The following SLC35F4 variants were observed in gnomAD, a reference collection of about 807,000 sequenced individuals.
SLC35F4 encodes solute carrier family 35 member F4, also known as chromosome 14 open reading frame 36.
In SLC35F4, 24 loss-of-function variants were observed where a neutral mutation model predicts 44.2. The observed-to-expected ratio is 0.54, with a 90% CI of 0.39 to 0.76. The LOEUF (loss-of-function observed/expected upper bound fraction) is 0.76, where lower values mean the gene tolerates loss of function less well. SLC35F4 is among the 30% of genes least tolerant of loss of function. SLC35F4 has a pLI of 0.00. For synonymous variants in SLC35F4, 238 were observed against 223.6 expected (o/e 1.06, Z -0.57); for missense variants, 562 against 586.1 (o/e 0.96, Z 0.42).
chr14:57,818,434 C>T (rs559250941), intron 1 of SLC35F4, among the ~76,000 whole-genome samples: 2 of 152,242 alleles, frequency 1.3e-5, no homozygotes, highest in East Asian at 3.9e-4. Context: ...CTCTTCATTC[C>T]AGTAGACTAC....
chr14:57,652,852 G>C (rs116596031), intron 1 of SLC35F4, among the ~76,000 whole-genome samples: 1 of 152,332 alleles, frequency 6.6e-6, no homozygotes, highest in East Asian at 1.9e-4. Context: ...GGAAGAGGGA[G>C]ATGATTTGTG....
chr14:57,972,337 A>G (rs111257863), downstream of SLC35F4, among the ~76,000 whole-genome samples: 35 of 152,306 alleles, frequency 2.3e-4, no homozygotes, highest in African/African-American at 8.4e-4. Flanking sequence ...AAGCAGAAGC[A>G]GGGAGCTCAG....
intron 1 of SLC35F4, among the ~76,000 whole-genome samples, chr14:57,619,649 ACTC>A (rs2072064996): frequency 6.6e-6 from 1 of 151,996 alleles, no homozygotes; most frequent in Non-Finnish European, 1.5e-5. Context: ...AAGGATCACA[ACTC>A]CTCACCAGCA....
rs562915612 is a variant in SLC35F4, at chr14:57,662,854, T to G, written c.104-68730A>C. On this transcript the variant is annotated intron_variant, in intron 1 of 7. Transcript: ENST00000556826. Reference sequence around the variant, plus strand: ...TCTCTGAACACCGAATGAACTGTACTTATTTGCTGGTTGGGATTGGCCATT... The same window carrying G: ...TCTCTGAACACCGAATGAACTGTACGTATTTGCTGGTTGGGATTGGCCATT... 7.9e-5 allele frequency among the ~76,000 whole-genome samples: 12 copies of G among 152,266 alleles called. No individual in the cohort carries two copies. The East Asian group carries it at 2.1e-3, about 27-fold the overall frequency.
chr14:57,890,882 T>G (rs915820559), intron 1 of SLC35F4, among the ~76,000 whole-genome samples: 5 of 152,184 alleles, frequency 3.3e-5, no homozygotes, highest in Admixed American at 2.6e-4. Context: ...GCAAACTCAT[T>G]TTTTTCTGCA....
At chr14:57,663,841 A>G (rs935190178) in intron 1 of SLC35F4, among the ~76,000 whole-genome samples, 9 of 152,190 alleles carry the variant, frequency 5.9e-5, no homozygotes, top group African/African-American at 2.2e-4. Context: ...CACCAGGCAA[A>G]GCCATAAGAA....
At chr14:57,979,282 A>T (rs1175588295) in intron 1 of SLC35F4, among the ~76,000 whole-genome samples, 1 of 152,230 alleles carries the variant, frequency 6.6e-6, no homozygotes, top group Non-Finnish European at 1.5e-5. Context: ...CAGATATTGT[A>T]GCTGGCTGGC....
chr14:57,730,791 GT>G (rs2140471143), intron 1 of SLC35F4, among the ~76,000 whole-genome samples: 1 of 3,614 alleles, frequency 2.8e-4, no homozygotes, highest in Admixed American at 3.6e-3. Context: ...TCATAAGTCT[GT>G]CAAGGAAGTC....
At chr14:57,966,542 T>C (rs1417867008) in intron 1 of SLC35F4, among the ~76,000 whole-genome samples, 1 of 152,158 alleles carries the variant, frequency 6.6e-6, no homozygotes. Flanking sequence ...ATAAAAGGAA[T>C]ATAATATTAT....
intron 1 of SLC35F4, among the ~76,000 whole-genome samples, chr14:57,894,432 T>C (rs1298734087): frequency 1.3e-5 from 2 of 152,100 alleles, no homozygotes; most frequent in Admixed American, 6.6e-5. Flanking sequence ...GATAAGCTTG[T>C]AAACATGATA....
At chr14:57,809,892 T>A (rs1881763747) in intron 1 of SLC35F4, among the ~76,000 whole-genome samples, 2 of 152,194 alleles carry the variant, frequency 1.3e-5, no homozygotes, top group African/African-American at 4.8e-5. Flanking sequence ...TCCTTCACTA[T>A]AACTGGCACA....
chr14:57,863,020 C>CT (rs201517103), intron 1 of SLC35F4, among the ~76,000 whole-genome samples: 2 of 146,578 alleles, frequency 1.4e-5, no homozygotes, highest in Admixed American at 6.6e-5. Flanking sequence ...CATTAATCAT[C>CT]TTTTTTAAAA....
At position 57,581,051 on chromosome 14, in the gene SLC35F4, C is replaced by A. The variant is rs2069215386; in HGVS notation, c.807+163G>T. On this transcript the variant is annotated intron_variant, in intron 4 of 7. Coordinates refer to ENST00000556826, the MANE Select transcript of SLC35F4 (RefSeq NM_001306087.2). Reference sequence around the variant, plus strand: ...AACTGTTTATCCTTCTATGATGTTGCAACTGCCTGGGCTTTCTAATGCGTC... The same window carrying A: ...AACTGTTTATCCTTCTATGATGTTGAAACTGCCTGGGCTTTCTAATGCGTC... 1.0e-5 allele frequency: 6 copies of A among 576,124 alleles called. No individual in the cohort carries two copies. The South Asian group carries it at 2.7e-4, about 26-fold the overall frequency. 35.7% of individuals were successfully genotyped at this position (576,124 alleles called of 1,614,324 possible).
At chr14:57,921,857 G>A (rs567285094) in intron 1 of SLC35F4, among the ~76,000 whole-genome samples, 43 of 152,280 alleles carry the variant, frequency 2.8e-4, no homozygotes, top group African/African-American at 9.4e-4. Flanking sequence ...GCTGCTGGAG[G>A]TTAAAATTTC....
At position 57,854,479 on chromosome 14, in the gene SLC35F4, A is replaced by G. The variant is rs927249; in HGVS notation, c.103+11244T>C. On this transcript the variant is annotated intron_variant, in intron 1 of 7. Coordinates refer to ENST00000556826, the MANE Select transcript of SLC35F4 (RefSeq NM_001306087.2). ...GAACTGTCTTTTTAACACTCCATGT[A>G]TGAAAGGAACAATGCTACTTCCAAT... Among the ~76,000 whole-genome samples the G allele has an allele frequency of 0.023, 3,568 of 152,270 alleles. 439 individuals carry two copies. In the East Asian group the frequency reaches 0.4, roughly 17 times the overall value.
chr14:57,790,909 G>A (rs2077901357), intron 1 of SLC35F4, among the ~76,000 whole-genome samples: 1 of 152,184 alleles, frequency 6.6e-6, no homozygotes, highest in Admixed American at 6.5e-5. Context: ...AATAAATGGT[G>A]CTGGGAAAAC....
chr14:57,567,419 A>G (rs2068260940), intron 6 of SLC35F4, among the ~76,000 whole-genome samples: 1 of 152,216 alleles, frequency 6.6e-6, no homozygotes, highest in African/African-American at 2.4e-5. Context: ...TGTTGTGTAT[A>G]TCTCTGCAGA....
At position 57,904,544 on chromosome 14, in the gene SLC35F4, TTATCTA is replaced by T. The variant is rs137891300; in HGVS notation, n.282+77363_282+77368del. 5.1e-3 allele frequency among the ~76,000 whole-genome samples: 777 copies of T among 152,320 alleles called. 7 individuals are homozygous for T. The highest frequency in any genetic ancestry group is 0.018 in the African/African-American group (746 of 41,560). On this transcript the variant is annotated intron_variant and non_coding_transcript_variant, in intron 1 of 1. Coordinates refer to the SLC35F4 transcript ENST00000556568. The stretch of plus-strand genomic sequence containing the variant: ...AACTGATTTCAAATTTCTGTTAACT[TTATCTA>T]TATCTGAAAAGAGTTAATGGGAGAA...
At chr14:57,796,906 T>C (rs1419060591) in intron 1 of SLC35F4, among the ~76,000 whole-genome samples, 1 of 152,228 alleles carries the variant, frequency 6.6e-6, no homozygotes, top group Non-Finnish European at 1.5e-5. Context: ...TGACATTAAT[T>C]AAAATATTAA....
Sources: gnomAD v4.1 joint callset for allele counts (sites outside exome capture counted in the v4.1 genomes callset) on GRCh38, gnomAD v4.1.1 for gene constraint, MANE v1.5 for transcripts, NCBI Gene and HGNC (gene_info 2026-07-23, HGNC 2026-07-21) for gene names.